Variants in PABPC1 observed in about 807,000 individuals in gnomAD.
PABPC1 encodes the protein poly(A) binding protein cytoplasmic 1, also known as polyadenylate-binding protein 1.
A neutral mutation model predicts 74.0 loss-of-function variants in PABPC1; 4 were observed. The ratio of observed to expected loss-of-function variants is 0.05; its 90% confidence interval spans 0.03 to 0.12. The LOEUF (loss-of-function observed/expected upper bound fraction) is 0.12. Ranked by LOEUF, PABPC1 falls within the 10% of genes least tolerant of loss-of-function variation. The probability of loss-of-function intolerance (pLI) is 1.00; values close to 1 mark genes in which losing one functional copy is unlikely to be tolerated. For synonymous variants in PABPC1, 227 were observed against 264.1 expected (o/e 0.86, Z 1.36); for missense variants, 271 against 821.1 (o/e 0.33, Z 8.19).
At chr8:100,712,587 T>C in intron 6 of PABPC1, 65 bp downstream of exon 6, 3 of 1,561,622 alleles carry the variant, frequency 1.9e-6, no homozygotes, top group Non-Finnish European at 2.6e-6. Context: ...TGGAAGTAAC[T>C]GAAATCAACG....
At position 100,715,457 on chromosome 8, in the gene PABPC1, A is replaced by G. The variant is rs1810646116; in HGVS notation, c.643+5T>C. On this transcript the variant is annotated splice_donor_5th_base_variant and intron_variant, in intron 4 of 14. Transcript: ENST00000318607. ...GTGTGTAAAAATTTAATTAAGACAC[A>G]TTACCAAACTTGCCAAAGAGATCCT... The G allele has an allele frequency of 1.9e-6, 3 of 1,585,880 alleles. No individual in the cohort carries two copies. The highest frequency in any genetic ancestry group is 3.5e-5 in the Admixed American group (2 of 57,198).
chr8:100,707,013 G>GAGGTCTGGCACCC lies in PABPC1; in HGVS notation c.1337-17_1337-16insGGGTGCCAGACCT. 8.9e-7 allele frequency: 1 copy of GAGGTCTGGCACCC among 1,128,224 alleles called. No homozygotes were observed. Among genetic ancestry groups the GAGGTCTGGCACCC allele is most frequent in the Non-Finnish European group, 1.3e-6 (1 of 792,092 alleles). The allele number at this position is 1,128,224 out of a possible 1,614,324, so 69.9% of individuals were successfully genotyped here. A position where few individuals can be genotyped will look rare whatever the true frequency, so the allele number is the denominator to read the frequency against. On this transcript the variant is annotated splice_polypyrimidine_tract_variant and intron_variant, in intron 9 of 14. Transcript: ENST00000318607. ...TTTTGGAATGCTGCATTTTAAAGAT[G>GAGGTCTGGCACCC]TGAATATACATTAACTGGGAAAACT...
At chr8:100,704,812 C>T (rs1196629697) in intron 13 of PABPC1, 114 bp downstream of exon 13, 13 of 1,055,544 alleles carry the variant, frequency 1.2e-5, no homozygotes, top group Non-Finnish European at 1.7e-5. Context: ...GCAGACTTTA[C>T]AACTGTACAT....
At chr8:100,709,921 T>C in intron 7 of PABPC1, 190 bp from the exon 8 acceptor site, 1 of 609,990 alleles carries the variant, frequency 1.6e-6, no homozygotes, top group East Asian at 2.9e-5. Context: ...AAACTACACA[T>C]ATGCATTACC....
Position 100,718,299 on chromosome 8 carries a change from CAG to C in PABPC1, c.194-21_194-20del. 1 of 1,601,174 alleles carries C rather than the reference CAG, an allele frequency of 6.2e-7. No homozygotes were observed. The highest frequency in any genetic ancestry group is 2.2e-5 in the East Asian group (1 of 44,708). ...CGCTCCGCTGCAGGAAGGACATTTT[CAG>C]AGTCAATATTACTTCAAAATTTTTG... On this transcript the variant is annotated intron_variant, in intron 1 of 14. Transcript: ENST00000318607.
At chr8:100,703,456 T>C (rs971756195) in intron 14 of PABPC1, 97 bp from the exon 15 acceptor site, 3 of 152,378 alleles carry the variant, frequency 2.0e-5, no homozygotes, top group Admixed American at 6.5e-5. Flanking sequence ...TTTTTATCCA[T>C]AGTTTTACTG....
chr8:100,705,171 A>T, intron 12 of PABPC1, 115 bp from the exon 13 acceptor site: 1 of 785,994 alleles, frequency 1.3e-6, no homozygotes, highest in Non-Finnish European at 2.0e-6. Context: ...GTATATAATA[A>T]CCCATAATCC....
intron 1 of PABPC1, among the ~76,000 whole-genome samples, chr8:100,719,496 T>C (rs1031243571): frequency 6.6e-6 from 1 of 152,084 alleles, no homozygotes; most frequent in African/African-American, 2.4e-5. Flanking sequence ...CCTATCAATG[T>C]AGCAATAAGT....
rs770137079 is a variant in PABPC1, at chr8:100,712,760, G to A, written c.768C>T (p.Leu256=). Residue 256 remains leucine (L), a synonymous_variant, in exon 6 of 15, where the codon CTC becomes CTT. Transcript: ENST00000318607. The stretch of plus-strand genomic sequence containing the variant: ...GACCAACATAAATTTGTTTTCCATT[G>A]AGCTCCTTTCCGTTCATCTCATCCA... ...KAVDEMNGKE[L]NGKQIYVGRA... 25 of 1,608,166 alleles carry A rather than the reference G, an allele frequency of 1.6e-5. No individual in the cohort carries two copies. In the South Asian group the frequency reaches 2.7e-4, roughly 17 times the overall value.
chr8:100,707,162 A>AT (rs2023477926), intron 9 of PABPC1, 165 bp from the exon 10 acceptor site: 1 of 549,004 alleles, frequency 1.8e-6, no homozygotes, highest in African/African-American at 1.9e-5. Flanking sequence ...CAGAGCATCA[A>AT]TAAGTAAAAA....
chr8:100,709,358 CT>C, intron 8 of PABPC1, 100 bp downstream of exon 8: 1 of 1,499,794 alleles, frequency 6.7e-7, no homozygotes, highest in Non-Finnish European at 9.2e-7. Flanking sequence ...CATAATTCCC[CT>C]TTCTTAATGT....
At chr8:100,717,995 A>C (rs1194906694) in intron 2 of PABPC1, 92 bp downstream of exon 2, 1 of 1,330,398 alleles carries the variant, frequency 7.5e-7, no homozygotes, top group African/African-American at 1.4e-5. Flanking sequence ...TTGTGAAATA[A>C]AGATATCCAT....
intron 4 of PABPC1, among the ~76,000 whole-genome samples, chr8:100,715,177 T>C (rs572910611): frequency 4.0e-5 from 6 of 149,614 alleles, no homozygotes; most frequent in African/African-American, 1.5e-4. Flanking sequence ...CTCCAGCCTC[T>C]TAATGTAGTA....
intron 9 of PABPC1, among the ~76,000 whole-genome samples, 164 bp downstream of exon 9, chr8:100,708,969 T>A (rs1376811453): frequency 6.6e-6 from 1 of 152,182 alleles, no homozygotes; most frequent in Non-Finnish European, 1.5e-5. Context: ...ACTGTAGACA[T>A]TACTATCTTA....
chr8:100,717,087 T>C (rs746983753), intron 3 of PABPC1, among the ~76,000 whole-genome samples: 33 of 152,304 alleles, frequency 2.2e-4, no homozygotes, highest in Admixed American at 2.6e-4. Flanking sequence ...CTCGGTTCAC[T>C]GCAACCTCCG....
In PABPC1 at chr8:100,709,007, A is replaced by T. The variant is rs1355173585; in HGVS notation, c.1336+126T>A. The T allele has an allele frequency of 9.1e-6, 7 of 768,670 alleles. No homozygotes were observed. In the Admixed American group the frequency reaches 1.5e-4, roughly 17 times the overall value. The allele number at this position is 768,670 out of a possible 1,614,324, so 47.6% of individuals were successfully genotyped here. On this transcript the variant is annotated intron_variant, in intron 9 of 14. Coordinates refer to ENST00000318607, the MANE Select transcript of PABPC1 (RefSeq NM_002568.4). ...ACTGCTTTTAAATGCTATAAAAATG[A>T]ACATCCATAACCACAAATTATGTGA...
At chr8:100,719,620 T>C (rs1810760973) in intron 1 of PABPC1, among the ~76,000 whole-genome samples, 1 of 152,208 alleles carries the variant, frequency 6.6e-6, no homozygotes. Flanking sequence ...AGGGTACTGG[T>C]CTACTGGTAC....
In PABPC1 at chr8:100,703,262, A is replaced by G. The variant is rs1463111756; in HGVS notation, c.*99T>C. On this transcript the variant is annotated 3_prime_UTR_variant, in exon 15 of 15. Transcript: ENST00000318607. ...CCTTTCCTTTTTTTATTTATTTTAT[A>G]TTTTGCAATGTTTTTTTTCCATAAT... is the stretch of plus-strand genomic sequence containing the variant. 5 of 166,880 alleles carry G rather than the reference A, an allele frequency of 3.0e-5. No homozygotes were observed. The highest frequency in any genetic ancestry group is 1.2e-4 in the African/African-American group (5 of 41,450). 10.3% of individuals were successfully genotyped at this position (166,880 alleles called of 1,614,324 possible).
At chr8:100,715,690 A>T (rs73700213) in intron 3 of PABPC1, 89 bp from the exon 4 acceptor site, 10 of 873,084 alleles carry the variant, frequency 1.1e-5, no homozygotes, top group Non-Finnish European at 1.7e-5. Flanking sequence ...GTTACTGTTA[A>T]TGAGAATATT....
Sources: allele counts gnomAD v4.1 joint callset (sites outside exome capture counted in the v4.1 genomes callset), GRCh38; gene constraint gnomAD v4.1.1; transcripts MANE v1.5; gene names NCBI Gene and HGNC (gene_info 2026-07-23, HGNC 2026-07-21).